TBC1D22A: variants seen among roughly 807,000 people sequenced by gnomAD.
TBC1D22A encodes the protein putative GTPase activator.
TBC1D22A carries 38 observed loss-of-function variants against 60.2 expected under a neutral mutation model. That is an observed-to-expected ratio of 0.63 (90% CI 0.49 to 0.83). The LOEUF is 0.83. Among genes scored for constraint, TBC1D22A ranks in the 40% least tolerant of loss-of-function variants. The probability of loss-of-function intolerance (pLI) is 0.00; values close to 1 mark genes in which losing one functional copy is unlikely to be tolerated. For synonymous variants in TBC1D22A, 302 were observed against 281.7 expected, an observed-to-expected ratio of 1.07 and a Z score of -0.72; for missense variants, 628 against 701.0, an observed-to-expected ratio of 0.90 and a Z score of 1.18.
intron 12 of TBC1D22A, among the ~76,000 whole-genome samples, chr22:47,134,508 C>T (rs1249047076): frequency 6.6e-6 from 1 of 152,248 alleles, no homozygotes. Flanking sequence ...CCAGTGTTGA[C>T]AGGCAGCGAA....
intron 10 of TBC1D22A, among the ~76,000 whole-genome samples, chr22:47,020,249 C>T (rs2062040697): frequency 6.6e-6 from 1 of 152,180 alleles, no homozygotes; most frequent in Admixed American, 6.5e-5. Context: ...TACAGGTCAC[C>T]CAGTCAGCTG....
chr22:46,917,008 C>T (rs2070411371), intron 8 of TBC1D22A, among the ~76,000 whole-genome samples: 1 of 152,172 alleles, frequency 6.6e-6, no homozygotes, highest in Non-Finnish European at 1.5e-5. Context: ...CTTGAATGTG[C>T]CCATTCCAGA....
intron 4 of TBC1D22A, among the ~76,000 whole-genome samples, chr22:46,849,796 G>T (rs534571593): frequency 6.6e-6 from 1 of 152,264 alleles, no homozygotes; most frequent in Admixed American, 6.5e-5. Flanking sequence ...CGTGACTGTC[G>T]CCTGGTCCCG....
intron 8 of TBC1D22A, among the ~76,000 whole-genome samples, chr22:46,921,779 T>A (rs1246334729): frequency 6.6e-6 from 1 of 152,088 alleles, no homozygotes; most frequent in Non-Finnish European, 1.5e-5. Flanking sequence ...TTAATAATAG[T>A]CTTTCTGACT....
intron 5 of TBC1D22A, among the ~76,000 whole-genome samples, chr22:46,887,393 T>C (rs940394315): frequency 5.3e-5 from 8 of 152,188 alleles, no homozygotes; most frequent in African/African-American, 1.9e-4. Context: ...ACTTTGAAAA[T>C]TCTTTAGCAA....
intron 8 of TBC1D22A, among the ~76,000 whole-genome samples, chr22:46,939,045 G>A (rs2071828675): frequency 8.3e-6 from 1 of 120,326 alleles, no homozygotes; most frequent in South Asian, 2.4e-4. Context: ...TTCCAAAAAG[G>A]TGTGAAAACA....
At chr22:47,050,916 G>T (rs2063189367) in intron 11 of TBC1D22A, among the ~76,000 whole-genome samples, 1 of 152,174 alleles carries the variant, frequency 6.6e-6, no homozygotes, top group South Asian at 2.1e-4. Context: ...CTCTGGATGA[G>T]GAGGGCGGCC....
chr22:47,015,763 AGGAGAAG>A (rs1389714150), intron 10 of TBC1D22A, among the ~76,000 whole-genome samples: 1 of 152,196 alleles, frequency 6.6e-6, no homozygotes, highest in Non-Finnish European at 1.5e-5. Flanking sequence ...CTCAGCCAGG[AGGAGAAG>A]GGAGCCTCCA....
chr22:46,964,666 T>C (rs1482189417), intron 8 of TBC1D22A, among the ~76,000 whole-genome samples: 1 of 152,198 alleles, frequency 6.6e-6, no homozygotes, highest in African/African-American at 2.4e-5. Context: ...TCCATCCAGT[T>C]TGGATAGTTA....
chr22:46,836,680 A>C (rs1242741578), intron 4 of TBC1D22A, among the ~76,000 whole-genome samples: 1 of 152,114 alleles, frequency 6.6e-6, no homozygotes, highest in Non-Finnish European at 1.5e-5. Context: ...TCAGAAGACA[A>C]AGAGTGACTG....
intron 11 of TBC1D22A, among the ~76,000 whole-genome samples, chr22:47,046,975 G>T (rs2063055783): frequency 6.6e-6 from 1 of 152,186 alleles, no homozygotes; most frequent in South Asian, 2.1e-4. Flanking sequence ...GGGCATTTTT[G>T]GTAAGCTTTC....
intron 7 of TBC1D22A, among the ~76,000 whole-genome samples, chr22:46,904,126 T>TCTGC (rs1161536671): frequency 8.5e-5 from 8 of 93,716 alleles, no homozygotes; most frequent in African/African-American, 3.5e-4. Context: ...TATCTATCTA[T>TCTGC]CTATCTATCT....
At chr22:47,084,135 G>A (rs2064584806) in intron 11 of TBC1D22A, among the ~76,000 whole-genome samples, 1 of 152,226 alleles carries the variant, frequency 6.6e-6, no homozygotes, top group Admixed American at 6.5e-5. Flanking sequence ...AGGCTGCCCT[G>A]TCTAGTATGG....
chr22:47,007,421 G>A (rs547288511), intron 10 of TBC1D22A, among the ~76,000 whole-genome samples: 3 of 152,356 alleles, frequency 2.0e-5, no homozygotes, highest in African/African-American at 7.2e-5. Context: ...TGCATTGTAA[G>A]AGCACATGGG....
At chr22:47,147,715 T>C (rs184956053) in intron 12 of TBC1D22A, among the ~76,000 whole-genome samples, 122 of 152,372 alleles carry the variant, frequency 8.0e-4, no homozygotes, top group African/African-American at 2.9e-3. Context: ...GCCGCAGGGC[T>C]CCTGGTCTGT....
intron 10 of TBC1D22A, among the ~76,000 whole-genome samples, chr22:47,013,167 G>A (rs1016156841): frequency 6.6e-6 from 1 of 152,200 alleles, no homozygotes; most frequent in East Asian, 1.9e-4. Flanking sequence ...TTGAGGTGCT[G>A]GGAGTGGGAA....
intron 4 of TBC1D22A, among the ~76,000 whole-genome samples, chr22:46,873,724 G>A (rs891468295): frequency 4.0e-5 from 6 of 151,658 alleles, no homozygotes; most frequent in Admixed American, 6.6e-5. Flanking sequence ...TCCTGTTCCC[G>A]CGTTAGTTTG....
intron 5 of TBC1D22A, among the ~76,000 whole-genome samples, chr22:46,886,933 C>G (rs2068148999): frequency 6.6e-6 from 1 of 152,138 alleles, no homozygotes; most frequent in Non-Finnish European, 1.5e-5. Flanking sequence ...TTTGCTGATT[C>G]CTGTTGTAGA....
In TBC1D22A at chr22:46,847,922, T is replaced by TGTGG. The variant is rs1555910908; in HGVS notation, c.638-30728_638-30727insGGTG. 1.2e-3 allele frequency among the ~76,000 whole-genome samples: 87 copies of TGTGG among 73,434 alleles called. 2 individuals carry two copies. The highest frequency in any genetic ancestry group is 7.5e-3 in the Admixed American group (53 of 7,020). The allele number at this position is 73,434 out of a possible 152,430, so 48.2% of individuals were successfully genotyped here. A position where few individuals can be genotyped will look rare whatever the true frequency, so the allele number is the denominator to read the frequency against. ...AATAGTCAAGGTACCCTAGTGGGTG[T>TGTGG]GTGTGTGTGTGTGTGTGTGTGTGTG... On this transcript the variant is annotated intron_variant, in intron 4 of 12. Transcript: ENST00000337137.
Sources: gnomAD v4.1 joint callset for allele counts (sites outside exome capture counted in the v4.1 genomes callset) on GRCh38, gnomAD v4.1.1 for gene constraint, MANE v1.5 for transcripts, NCBI Gene and HGNC (gene_info 2026-07-23, HGNC 2026-07-21) for gene names.